Variants in AGO3 observed in about 807,000 individuals in gnomAD.
AGO3 encodes protein argonaute-3.
A neutral mutation model predicts 105.5 loss-of-function variants in AGO3; 16 were observed. The ratio of observed to expected loss-of-function variants is 0.15; its 90% confidence interval spans 0.10 to 0.23. AGO3 has a LOEUF of 0.23. AGO3 is among the 10% of genes least tolerant of loss of function. AGO3 has a pLI of 1.00. For synonymous variants in AGO3, 340 were observed against 367.3 expected, an observed-to-expected ratio of 0.93 and a Z score of 0.85; for missense variants, 534 against 1,088.0, an observed-to-expected ratio of 0.49 and a Z score of 7.16.
intron 5 of AGO3, among the ~76,000 whole-genome samples, chr1:35,978,773 A>G (rs1443574474): frequency 3.9e-5 from 6 of 152,158 alleles, no homozygotes; most frequent in Admixed American, 3.9e-4. Context: ...TTATTTTTCT[A>G]TCTATTTTAG....
intron 5 of AGO3, among the ~76,000 whole-genome samples, chr1:35,988,988 C>T (rs1261468638): frequency 1.3e-5 from 2 of 152,168 alleles, no homozygotes; most frequent in Non-Finnish European, 2.9e-5. Flanking sequence ...TTTGATTTTG[C>T]AAGCCTTGTA....
chr1:36,036,314 T>A, intron 14 of AGO3, 47 bp downstream of exon 14: 1 of 1,542,198 alleles, frequency 6.5e-7, no homozygotes, highest in Non-Finnish European at 8.9e-7. Context: ...CAGACCAGTA[T>A]CAATTTTGCA....
At chr1:36,014,771 CAAAA>C (rs58580607) in intron 11 of AGO3, among the ~76,000 whole-genome samples, 2 of 58,568 alleles carry the variant, frequency 3.4e-5, no homozygotes, top group African/African-American at 5.7e-5. Flanking sequence ...ACTCTGTCTC[CAAAA>C]AAAAAAAAAA....
At chr1:35,945,892 T>C in intron 2 of AGO3, 29 bp downstream of exon 2, 1 of 1,585,100 alleles carries the variant, frequency 6.3e-7, no homozygotes, top group Non-Finnish European at 8.6e-7. Flanking sequence ...CAAAGATCTT[T>C]TGCTATTTTT....
At chr1:35,934,071 G>C (rs1646104861) in intron 1 of AGO3, among the ~76,000 whole-genome samples, 1 of 152,080 alleles carries the variant, frequency 6.6e-6, no homozygotes, top group South Asian at 2.1e-4. Context: ...CTCTTTAGTT[G>C]GGGAACATCT....
rs1273471263 is a variant in AGO3 at position 36,069,413 on chromosome 1, T to C, written c.*13668T>C. 1 of 152,236 alleles carries C rather than the reference T, an allele frequency of 6.6e-6. No homozygotes were observed. 9.4% of individuals were successfully genotyped at this position (152,236 alleles called of 1,614,324 possible). A position where few individuals can be genotyped will look rare whatever the true frequency, so the allele number is the denominator to read the frequency against. On this transcript the variant is annotated 3_prime_UTR_variant, in exon 19 of 19. Transcript: ENST00000373191. ...TCACTAAATTGTTGTAAGAATAAGA[T>C]AATGTTTGCGGAAGCATTTGAGTTC...
At chr1:35,950,727 A>G (rs906437012) in intron 2 of AGO3, among the ~76,000 whole-genome samples, 7 of 152,228 alleles carry the variant, frequency 4.6e-5, no homozygotes, top group Non-Finnish European at 8.8e-5. Flanking sequence ...TAGAAACATT[A>G]TGACCTAGAG....
intron 17 of AGO3, among the ~76,000 whole-genome samples, chr1:36,052,362 G>A (rs148112719): frequency 8.1e-4 from 124 of 152,160 alleles, no homozygotes; most frequent in African/African-American, 2.9e-3. Flanking sequence ...AAAAGTTGAT[G>A]TCATAGAAGT....
intron 5 of AGO3, among the ~76,000 whole-genome samples, chr1:35,993,770 CAG>C (rs1174203031): frequency 1.5e-4 from 15 of 98,186 alleles, no homozygotes; most frequent in East Asian, 6.8e-4. Flanking sequence ...TTTTTGGAGA[CAG>C]AGTCTTGCTC....
At chr1:35,993,868 C>T (rs1647956671) in intron 5 of AGO3, among the ~76,000 whole-genome samples, 1 of 150,108 alleles carries the variant, frequency 6.7e-6, no homozygotes, top group South Asian at 2.1e-4. Context: ...CTGCCTCAGC[C>T]TCCCAAGTAG....
intron 12 of AGO3, among the ~76,000 whole-genome samples, chr1:36,032,911 G>A (rs188398367): frequency 2.0e-5 from 3 of 152,006 alleles, no homozygotes; most frequent in African/African-American, 7.2e-5. Flanking sequence ...GATCACCTGA[G>A]GTCAGGAGTT....
intron 5 of AGO3, among the ~76,000 whole-genome samples, chr1:35,980,678 T>C (rs1027118060): frequency 1.2e-4 from 19 of 152,234 alleles, no homozygotes; most frequent in African/African-American, 4.3e-4. Flanking sequence ...TCTTCTGGCA[T>C]TGACTGTTCA....
At chr1:36,022,417 A>G (rs982124076) in intron 11 of AGO3, among the ~76,000 whole-genome samples, 8 of 152,204 alleles carry the variant, frequency 5.3e-5, no homozygotes, top group African/African-American at 1.7e-4. Context: ...ATGTTCTACT[A>G]TAATTTTAAA....
At chr1:36,014,771 C>CAAAAA (rs58580607) in intron 11 of AGO3, among the ~76,000 whole-genome samples, 1 of 58,544 alleles carries the variant, frequency 1.7e-5, no homozygotes, top group Non-Finnish European at 4.1e-5. Flanking sequence ...ACTCTGTCTC[C>CAAAAA]AAAAAAAAAA....
At chr1:36,006,997 G>C (rs892243436) in intron 6 of AGO3, among the ~76,000 whole-genome samples, 1 of 152,158 alleles carries the variant, frequency 6.6e-6, no homozygotes, top group Non-Finnish European at 1.5e-5. Flanking sequence ...ATTTTGGGCT[G>C]GATAATTCTT....
At chr1:35,954,929 G>T (rs146681778) in intron 2 of AGO3, among the ~76,000 whole-genome samples, 6 of 152,230 alleles carry the variant, frequency 3.9e-5, no homozygotes, top group Non-Finnish European at 8.8e-5. Context: ...TGCAGCACCT[G>T]CCTGTGCTGA....
At chr1:35,956,082 A>G (rs952382875) in intron 2 of AGO3, among the ~76,000 whole-genome samples, 6 of 152,146 alleles carry the variant, frequency 3.9e-5, no homozygotes, top group Non-Finnish European at 5.9e-5. Context: ...ATTTTTCCTC[A>G]TACTGCAGCA....
rs1198462048 is a variant in AGO3, at chr1:36,068,547, C to T, written c.*12802C>T. ...TTATTCTTGAAAGTAATATTCTAAC[C>T]TTCTGCCAACCAACAGAGATCCTCA... On this transcript the variant is annotated 3_prime_UTR_variant, in exon 19 of 19. Transcript: ENST00000373191. 1 of 152,080 alleles carries T rather than the reference C, an allele frequency of 6.6e-6. No individual in the cohort carries two copies. The highest frequency in any genetic ancestry group is 1.5e-5 in the Non-Finnish European group (1 of 68,016). The allele number at this position is 152,080 out of a possible 1,614,324, so 9.4% of individuals were successfully genotyped here. A position where few individuals can be genotyped will look rare whatever the true frequency, so the allele number is the denominator to read the frequency against.
chr1:36,038,282 C>T (rs184398489), intron 14 of AGO3, among the ~76,000 whole-genome samples: 2,021 of 121,024 alleles, frequency 0.017, 45 homozygotes, highest in African/African-American at 0.061. Flanking sequence ...TGAGACAGAG[C>T]CTCGCTCTGT....
Sources: allele counts gnomAD v4.1 joint callset (sites outside exome capture counted in the v4.1 genomes callset), GRCh38; gene constraint gnomAD v4.1.1; transcripts MANE v1.5; gene names NCBI Gene and HGNC (gene_info 2026-07-23, HGNC 2026-07-21).